FTO: variants seen among roughly 807,000 people sequenced by gnomAD.
FTO encodes FTO alpha-ketoglutarate dependent dioxygenase.
Under a neutral mutation model 63.9 loss-of-function variants are expected in FTO, and 47 were observed. That is an observed-to-expected ratio of 0.74 (90% CI 0.58 to 0.94). The LOEUF (loss-of-function observed/expected upper bound fraction) is 0.94. FTO is among the 40% of genes least tolerant of loss of function. The pLI, the probability that FTO is intolerant of heterozygous loss-of-function variation, is 0.00. For synonymous variants in FTO, 207 were observed against 224.4 expected (o/e 0.92, Z 0.69); for missense variants, 562 against 618.1 (o/e 0.91, Z 0.96).
rs757723391 is a variant in FTO at position 53,844,194 on chromosome 16, G to A, written c.791G>A (p.Gly264Asp). The change falls in exon 4 of 9, where the codon GGC (glycine) becomes GAC (aspartate). Residue 264 changes from glycine (G) to aspartate (D), a missense_variant. Gly to Asp is a moderately conservative substitution (Grantham distance 94, BLOSUM62 -1). Transcript: ENST00000471389. ...AGTGAGGATGACTCTCATCTCGAAG[G>A]CAGGGATCCTGATATTTGGCATGTT... is the stretch of plus-strand genomic sequence containing the variant. ...EESEDDSHLE[G>D]RDPDIWHVGF... 13 of 1,613,788 alleles carry A rather than the reference G, an allele frequency of 8.1e-6. No homozygotes were observed. Among genetic ancestry groups the A allele is most frequent in the Non-Finnish European group, 1.1e-5 (13 of 1,179,786 alleles).
intron 8 of FTO, among the ~76,000 whole-genome samples, chr16:54,049,391 G>A (rs2085261275): frequency 6.6e-6 from 1 of 152,188 alleles, no homozygotes; most frequent in African/African-American, 2.4e-5. Context: ...GCACATGCTG[G>A]TGTTTATGGG....
intron 8 of FTO, among the ~76,000 whole-genome samples, chr16:53,947,751 A>G (rs2082684750): frequency 6.6e-6 from 1 of 152,186 alleles, no homozygotes; most frequent in South Asian, 2.1e-4. Flanking sequence ...CTTTAGCATT[A>G]TTATTTTTAA....
intron 1 of FTO, among the ~76,000 whole-genome samples, chr16:53,759,931 T>A (rs1380915218): frequency 6.6e-6 from 1 of 152,104 alleles, no homozygotes; most frequent in Non-Finnish European, 1.5e-5. Context: ...CTTGGGCCAA[T>A]GCTTCAGATA....
intron 8 of FTO, among the ~76,000 whole-genome samples, chr16:54,082,068 G>C (rs2086161079): frequency 6.6e-6 from 1 of 152,102 alleles, no homozygotes; most frequent in Admixed American, 6.6e-5. Context: ...CCCACACCCT[G>C]TTTATCTGAA....
intron 7 of FTO, among the ~76,000 whole-genome samples, chr16:53,890,543 C>T (rs1346229264): frequency 6.6e-6 from 1 of 152,146 alleles, no homozygotes; most frequent in Non-Finnish European, 1.5e-5. Flanking sequence ...TCCAAAAGTC[C>T]TTGCTTTCCA....
intron 8 of FTO, chr16:53,993,073 T>C (rs964896445): frequency 1.3e-5 from 2 of 152,216 alleles, no homozygotes; most frequent in Non-Finnish European, 1.5e-5. Context: ...CCTTCCCTGT[T>C]TCTACTTTTC....
At chr16:54,097,741 C>A (rs2086548828) in intron 8 of FTO, among the ~76,000 whole-genome samples, 1 of 152,194 alleles carries the variant, frequency 6.6e-6, no homozygotes, top group Non-Finnish European at 1.5e-5. Flanking sequence ...TGTGCACACA[C>A]AGACACACAC....
At chr16:53,855,085 C>T (rs2079945388) in intron 4 of FTO, among the ~76,000 whole-genome samples, 1 of 150,900 alleles carries the variant, frequency 6.6e-6, no homozygotes, top group Admixed American at 6.6e-5. Flanking sequence ...ATTTGATTCT[C>T]AGCTTGGTCA....
In FTO at chr16:54,114,000, G is replaced by C. The variant is rs1360044825; in HGVS notation, c.*2085G>C. The C allele has an allele frequency of 6.6e-6, 1 of 151,956 alleles. No homozygotes were observed. Among genetic ancestry groups the C allele is most frequent in the Non-Finnish European group, 1.5e-5 (1 of 68,044 alleles). 9.4% of individuals were successfully genotyped at this position (151,956 alleles called of 1,614,324 possible). ...TTTTTGTATTTTTAGCAGAGATGGG[G>C]TTTCACCACATTGGCCAGGATGGTC... On this transcript the variant is annotated 3_prime_UTR_variant, in exon 9 of 9. Coordinates refer to ENST00000471389, the MANE Select transcript of FTO (RefSeq NM_001080432.3).
intron 8 of FTO, among the ~76,000 whole-genome samples, chr16:54,028,688 GTGA>G (rs2084768232): frequency 6.6e-6 from 1 of 152,108 alleles, no homozygotes; most frequent in South Asian, 2.1e-4. Flanking sequence ...ATGAAAGCTA[GTGA>G]TGTAGATTGG....
intron 8 of FTO, among the ~76,000 whole-genome samples, chr16:54,088,701 GGTT>G (rs2086306872): frequency 6.6e-6 from 1 of 152,176 alleles, no homozygotes; most frequent in Non-Finnish European, 1.5e-5. Flanking sequence ...CCCAAGGAAA[GGTT>G]GTTATGAAAG....
chr16:53,957,564 T>C (rs542091498), intron 8 of FTO, among the ~76,000 whole-genome samples: 1 of 152,334 alleles, frequency 6.6e-6, no homozygotes, highest in South Asian at 2.1e-4. Context: ...CCCTATGTGA[T>C]AGTGATAGTG....
At chr16:53,795,546 C>T (rs772461048) in intron 1 of FTO, among the ~76,000 whole-genome samples, 5 of 152,130 alleles carry the variant, frequency 3.3e-5, no homozygotes, top group Non-Finnish European at 5.9e-5. Context: ...CTCAAGCCAT[C>T]CACCTGAGGT....
chr16:53,827,691 G>A (rs1567335078), intron 3 of FTO, among the ~76,000 whole-genome samples: 1 of 152,140 alleles, frequency 6.6e-6, no homozygotes, highest in Non-Finnish European at 1.5e-5. Flanking sequence ...AACTAGTTTA[G>A]CATTTGGAAA....
intron 1 of FTO, among the ~76,000 whole-genome samples, chr16:53,798,732 A>G (rs921864323): frequency 1.3e-5 from 2 of 152,184 alleles, no homozygotes; most frequent in African/African-American, 4.8e-5. Context: ...TTTATTCTCA[A>G]TCCGGATACT....
At chr16:54,106,245 A>G (rs1336472145) in intron 8 of FTO, among the ~76,000 whole-genome samples, 1 of 152,030 alleles carries the variant, frequency 6.6e-6, no homozygotes, top group Admixed American at 6.6e-5. Flanking sequence ...GACGCCCTTC[A>G]TGAGTTACAC....
intron 8 of FTO, among the ~76,000 whole-genome samples, chr16:54,101,436 C>T (rs2086641250): frequency 6.6e-6 from 1 of 152,158 alleles, no homozygotes; most frequent in African/African-American, 2.4e-5. Flanking sequence ...ATCCACGTTC[C>T]CATAGAAGAT....
rs146411370 is a variant in FTO, at chr16:54,015,812, T to C, written c.1364+81703T>C. Reference sequence around the variant, plus strand: ...ATAAGGAAGCTGAGACTTCATACAGTGACTTACAAGTTCGGACAGCCTCCA... The same window carrying C: ...ATAAGGAAGCTGAGACTTCATACAGCGACTTACAAGTTCGGACAGCCTCCA... On this transcript the variant is annotated intron_variant, in intron 8 of 8. Coordinates refer to ENST00000471389, the MANE Select transcript of FTO (RefSeq NM_001080432.3). 2.8e-3 allele frequency among the ~76,000 whole-genome samples: 424 copies of C among 152,320 alleles called. 1 individual carries two copies. Among genetic ancestry groups the C allele is most frequent in the African/African-American group, 9.9e-3 (413 of 41,568 alleles).
At chr16:53,811,381 C>T (rs1567316752) in intron 2 of FTO, among the ~76,000 whole-genome samples, 1 of 152,172 alleles carries the variant, frequency 6.6e-6, no homozygotes, top group Non-Finnish European at 1.5e-5. Flanking sequence ...AGCTGACCAT[C>T]AGTAACCAAG....
Sources: gnomAD v4.1 joint callset for allele counts (sites outside exome capture counted in the v4.1 genomes callset) on GRCh38, gnomAD v4.1.1 for gene constraint, MANE v1.5 for transcripts, NCBI Gene and HGNC (gene_info 2026-07-23, HGNC 2026-07-21) for gene names.